ACADM: variants seen among roughly 807,000 people sequenced by gnomAD.
The protein encoded by ACADM is acyl-CoA dehydrogenase medium chain.
ACADM carries 49 observed loss-of-function variants against 58.9 expected under a neutral mutation model. The observed-to-expected ratio is 0.83, with a 90% CI of 0.66 to 1.06. ACADM has a LOEUF of 1.06. ACADM is among the 50% of genes least tolerant of loss of function. The pLI, the probability that ACADM is intolerant of heterozygous loss-of-function variation, is 0.00. For missense variants in ACADM, 496 were observed against 507.0 expected (o/e 0.98, Z 0.21); for synonymous variants, 160 against 157.7 (o/e 1.01, Z -0.11).
intron 1 of ACADM, among the ~76,000 whole-genome samples, chr1:75,727,396 C>A (rs1647073545): frequency 1.3e-5 from 2 of 152,234 alleles, no homozygotes; most frequent in South Asian, 2.1e-4. Flanking sequence ...AGTATCTAAG[C>A]TTGTTAAAAT....
intron 10 of ACADM, among the ~76,000 whole-genome samples, chr1:75,757,348 A>C (rs1021074509): frequency 2.6e-5 from 4 of 152,192 alleles, no homozygotes; most frequent in South Asian, 2.1e-4. Flanking sequence ...CAATGAACTC[A>C]AACAAATTTA....
In ACADM at chr1:75,762,759, A is replaced by C; in HGVS notation, c.1262A>C (p.Asn421Thr). Residue 421 changes from asparagine (N) to threonine (T), a missense_variant, in exon 12 of 12, where the codon AAT becomes ACT. Transcript: ENST00000370841. ...CGTGAACACATTGACAAGTACAAAA[A>C]TTAAAAAAATTACTGTAGAAATATT... ...VAREHIDKYKN is the reference protein window; with the variant it reads ...VAREHIDKYKT The C allele has an allele frequency of 1.3e-6, 2 of 1,573,976 alleles. No homozygotes were observed. The highest frequency in any genetic ancestry group is 1.7e-6 in the Non-Finnish European group (2 of 1,144,790).
chr1:75,755,255 G>C (rs1648434631), intron 10 of ACADM, among the ~76,000 whole-genome samples: 1 of 152,362 alleles, frequency 6.6e-6, no homozygotes, highest in African/African-American at 2.4e-5. Context: ...GCTTTGAAGA[G>C]AGTAGTGGTC....
intron 1 of ACADM, among the ~76,000 whole-genome samples, chr1:75,726,487 T>C (rs1647059938): frequency 2.0e-5 from 3 of 152,194 alleles, no homozygotes; most frequent in Non-Finnish European, 4.4e-5. Context: ...TTTTGTGGAA[T>C]GTTTTCCTTT....
intron 4 of ACADM, chr1:75,733,292 G>A (rs1247591142): frequency 1.4e-5 from 18 of 1,262,588 alleles, no homozygotes; most frequent in Non-Finnish European, 1.8e-5. Flanking sequence ...ACAAAATCAA[G>A]TTAGAACAGG....
At chr1:75,752,429 AAC>A in intron 10 of ACADM, among the ~76,000 whole-genome samples, 1 of 152,328 alleles carries the variant, frequency 6.6e-6, no homozygotes, top group Non-Finnish European at 1.5e-5. Flanking sequence ...ATCAACCAGT[AAC>A]AGTTTGTGAA....
In ACADM at chr1:75,743,529, G is replaced by A. The variant is rs540090732; in HGVS notation, c.600-2277G>A. The A allele has an allele frequency of 3.0e-4, 477 of 1,606,868 alleles. 2 individuals carry two copies. The South Asian group carries it at 4.9e-3, about 16-fold the overall frequency. ...GCCGGTGATCATAGGTCAGTGCCAC[G>A]TACATCATGGGCTGCACCTCTACCT... On this transcript the variant is annotated intron_variant, in intron 7 of 11. Coordinates refer to ENST00000370841, the MANE Select transcript of ACADM (RefSeq NM_000016.6).
intron 7 of ACADM, among the ~76,000 whole-genome samples, chr1:75,743,118 A>G (rs1647670494): frequency 6.6e-6 from 1 of 152,194 alleles, no homozygotes; most frequent in African/African-American, 2.4e-5. Context: ...AAGCAAAATC[A>G]TCTTTGCAGA....
At chr1:75,746,000 T>A in intron 8 of ACADM, 86 bp downstream of exon 8, 1 of 922,312 alleles carries the variant, frequency 1.1e-6, no homozygotes, top group Non-Finnish European at 1.7e-6. Flanking sequence ...AATAAAAACA[T>A]TTGTTTGTAT....
chr1:75,750,715 C>T, intron 10 of ACADM, 169 bp downstream of exon 10: 1 of 663,962 alleles, frequency 1.5e-6, no homozygotes, highest in Non-Finnish European at 2.7e-6. Context: ...GAGTGTGCCA[C>T]TATTGGTTAC....
In ACADM at chr1:75,728,583, T is replaced by C. The variant is rs890094593; in HGVS notation, c.118+95T>C. On this transcript the variant is annotated intron_variant, in intron 2 of 11. Coordinates refer to ENST00000370841, the MANE Select transcript of ACADM (RefSeq NM_000016.6). ...ATGTTTGTAAATAAACTTAATAATG[T>C]CTTTCAATGAGTAGAACCAGTCCAC... 12 of 916,192 alleles carry C rather than the reference T, an allele frequency of 1.3e-5. No homozygotes were observed. In the African/African-American group the frequency reaches 1.8e-4, roughly 14 times the overall value. 56.8% of individuals were successfully genotyped at this position (916,192 alleles called of 1,614,324 possible). A position where few individuals can be genotyped will look rare whatever the true frequency, so the allele number is the denominator to read the frequency against.
chr1:75,749,723 T>C (rs1648098372), intron 9 of ACADM, among the ~76,000 whole-genome samples, 164 bp downstream of exon 9: 2 of 147,042 alleles, frequency 1.4e-5, no homozygotes, highest in Admixed American at 6.8e-5. Flanking sequence ...TTTTTTTTTT[T>C]TTTTTTTTGA....
intron 7 of ACADM, among the ~76,000 whole-genome samples, chr1:75,740,342 G>A (rs1647499102): frequency 6.6e-6 from 1 of 152,052 alleles, no homozygotes; most frequent in Middle Eastern, 3.2e-3. Context: ...ATACAAATGC[G>A]TGCTCTGTTT....
chr1:75,739,984 A>G lies in ACADM; in HGVS notation c.473A>G (p.Tyr158Cys), dbSNP rs1553123858. The G allele has an allele frequency of 1.2e-6, 2 of 1,610,018 alleles. No homozygotes were observed. Among genetic ancestry groups the G allele is most frequent in the Non-Finnish European group, 1.7e-6 (2 of 1,177,496 alleles). Residue 158 changes from tyrosine (Y) to cysteine (C), a missense_variant, in exon 7 of 12, where the codon TAT (tyrosine) becomes TGT (cysteine). Physicochemically the swap from Tyr to Cys is radical, Grantham distance 194. Transcript: ENST00000370841. ...RMTEEPLMCAYCVTEPGAGSD... is the reference protein window; with the variant it reads ...RMTEEPLMCACCVTEPGAGSD... ...TCTTGTTTTTATATATTCAAGGCTT[A>G]TTGTGTAACAGAACCTGGAGCAGGC...
chr1:75,743,211 G>A (rs879061964), intron 7 of ACADM, among the ~76,000 whole-genome samples: 1 of 152,146 alleles, frequency 6.6e-6, no homozygotes, highest in Non-Finnish European at 1.5e-5. Context: ...AGATATTCGA[G>A]GGTATGAGAC....
At chr1:75,761,085 A>T in intron 10 of ACADM, 37 bp from the exon 11 acceptor site, 1 of 1,590,396 alleles carries the variant, frequency 6.3e-7, no homozygotes, top group African/African-American at 1.4e-5. Flanking sequence ...AAGTTTTCTC[A>T]ATAAATATCC....
At chr1:75,739,287 C>A (rs1163897463) in intron 6 of ACADM, among the ~76,000 whole-genome samples, 1 of 152,162 alleles carries the variant, frequency 6.6e-6, no homozygotes, top group Non-Finnish European at 1.5e-5. Context: ...TATTTATCTT[C>A]ACTGTTACAT....
chr1:75,740,097 G>A lies in ACADM; in HGVS notation c.586G>A (p.Gly196Arg). The A allele has an allele frequency of 6.2e-7, 1 of 1,611,482 alleles. No homozygotes were observed. The highest frequency in any genetic ancestry group is 8.5e-7 in the Non-Finnish European group (1 of 1,178,236). Residue 196 changes from glycine (G) to arginine (R), a missense_variant, in exon 7 of 12, where the codon GGA (glycine) becomes AGA (arginine). Coordinates refer to ENST00000370841, the MANE Select transcript of ACADM (RefSeq NM_000016.6). ...NGQKMWITNGGKANWYFLLAR... is the reference protein window; with the variant it reads ...NGQKMWITNGRKANWYFLLAR... The stretch of plus-strand genomic sequence containing the variant: ...TCAGAAGATGTGGATAACCAACGGA[G>A]GAAAAGCTAATTGGTATGTTGTTCA...
chr1:75,754,700 C>T (rs1648400338), intron 10 of ACADM, among the ~76,000 whole-genome samples: 3 of 152,226 alleles, frequency 2.0e-5, no homozygotes, highest in African/African-American at 4.8e-5. Context: ...GCATGAGTGA[C>T]ACAGAAGACG....
Sources: gnomAD v4.1 joint callset for allele counts (sites outside exome capture counted in the v4.1 genomes callset) on GRCh38, gnomAD v4.1.1 for gene constraint, MANE v1.5 for transcripts, NCBI Gene and HGNC (gene_info 2026-07-23, HGNC 2026-07-21) for gene names.